Variants in GTF3C1 observed in about 807,000 individuals in gnomAD.
The protein encoded by GTF3C1 is general transcription factor 3C polypeptide 1.
Under a neutral mutation model 226.7 loss-of-function variants are expected in GTF3C1, and 57 were observed. The ratio of observed to expected loss-of-function variants is 0.25; its 90% CI spans 0.20 to 0.31. The LOEUF (loss-of-function observed/expected upper bound fraction) is 0.31. Ranked by LOEUF, GTF3C1 falls within the 10% of genes least tolerant of loss-of-function variation. The pLI is 1.00. For synonymous variants in GTF3C1, 1,090 were observed against 1,084.8 expected, an observed-to-expected ratio of 1.00 and a Z score of -0.09; for missense variants, 2,217 against 2,776.1, an observed-to-expected ratio of 0.80 and a Z score of 4.53.
chr16:27,469,066 A>G lies in GTF3C1; in HGVS notation c.5074+225T>C, dbSNP rs1220938691. Among the ~76,000 whole-genome samples the G allele has an allele frequency of 6.6e-6, 1 of 152,230 alleles. No individual in the cohort carries two copies. The highest frequency in any genetic ancestry group is 2.4e-5 in the African/African-American group (1 of 41,468). ...TGCCTGCAGCACAGCTGTGACTAAA[A>G]GAGGCGGTGCGGGGAGCTTTCCCAC... On this transcript the variant is annotated intron_variant, in intron 32 of 36. Transcript: ENST00000356183. The surrounding 1 kb of genome is among the most constrained non-coding windows in gnomAD (Gnocchi z 4.5).
rs750867671 is a variant in GTF3C1 at position 27,495,425 on chromosome 16, A to C, written c.2418T>G (p.Phe806Leu). ...GGTGCCCGTAGATGAGGTACCACAG[A>C]AACATGTGGACCACCCGCAGGCGAG... The part of the protein sequence containing the change: ...KMPRLRVVHM[F>L]LWYLIYGHPA... The change falls in exon 15 of 37, where the codon TTT (phenylalanine) becomes TTG (leucine). Residue 806 changes from phenylalanine (F) to leucine (L), a missense_variant. Around this residue, in one of 12 missense-constraint regions of GTF3C1, gnomAD observed 353 missense variants for 411.7 expected, o/e 0.86. Transcript: ENST00000356183. 2 of 1,613,858 alleles carry C rather than the reference A, an allele frequency of 1.2e-6. No homozygotes were observed. The highest frequency in any genetic ancestry group is 2.7e-5 in the African/African-American group (2 of 74,932).
chr16:27,540,347 A>G (rs1284739069), intron 2 of GTF3C1, among the ~76,000 whole-genome samples: 2 of 152,240 alleles, frequency 1.3e-5, no homozygotes, highest in African/African-American at 4.8e-5. Flanking sequence ...CTTAGGACCT[A>G]TGCTCTTTTG....
At position 27,465,315 on chromosome 16, in the gene GTF3C1, G is replaced by A. The variant is rs527797896; in HGVS notation, c.5300C>T (p.Ser1767Leu). ...CCCACCACCTGCCTTCTCCAAGGCC[G>A]AGAACCGTCTGCGCAGCTCCTCCTT... The part of the protein sequence containing the change: ...IDKEELRRRF[S>L]ALEKAGGGRT... Residue 1767 changes from serine (S) to leucine (L), a missense_variant, in exon 33 of 37, where the codon TCG becomes TTG. This residue lies in a region of GTF3C1 where 455 missense variants were observed against 441.9 expected (regional missense o/e 1.03). Coordinates refer to ENST00000356183, the MANE Select transcript of GTF3C1 (RefSeq NM_001520.4). 1.7e-5 allele frequency: 28 copies of A among 1,613,978 alleles called. No individual in the cohort carries two copies. The Admixed American group carries it at 2.5e-4, about 14-fold the overall frequency.
intron 19 of GTF3C1, among the ~76,000 whole-genome samples, chr16:27,489,949 G>A (rs549847386): frequency 1.2e-4 from 18 of 152,370 alleles, no homozygotes; most frequent in African/African-American, 4.3e-4. Context: ...GAGAGTTGGA[G>A]TGCTGGTGGG....
intron 6 of GTF3C1, among the ~76,000 whole-genome samples, chr16:27,517,337 C>T (rs1246229661): frequency 6.6e-6 from 1 of 152,184 alleles, no homozygotes; most frequent in Admixed American, 6.5e-5. Context: ...TTCCAGACTA[C>T]AAGTCAGCTA....
At chr16:27,465,842 G>C (rs554862820) in intron 32 of GTF3C1, 2 of 402,066 alleles carry the variant, frequency 5.0e-6, no homozygotes, top group Non-Finnish European at 9.3e-6. Context: ...ACTGAGGTTC[G>C]AGAACTGTAA....
chr16:27,520,056 T>A (rs1245638119), intron 6 of GTF3C1, among the ~76,000 whole-genome samples: 1 of 152,184 alleles, frequency 6.6e-6, no homozygotes, highest in African/African-American at 2.4e-5. Flanking sequence ...AAGGCTGCAG[T>A]GAGCCATGAT....
Position 27,462,502 on chromosome 16 carries a change from T to C in GTF3C1, c.5925-16A>G. ...CTCACAGTCCCTGCAGGGAGAGGGC[T>C]TGACATCAGGGCTTGGTGGGGGCAG... On this transcript the variant is annotated splice_polypyrimidine_tract_variant and intron_variant, in intron 35 of 36. Coordinates refer to ENST00000356183, the MANE Select transcript of GTF3C1 (RefSeq NM_001520.4). The surrounding 1 kb of genome is among the most constrained non-coding windows in gnomAD (Gnocchi z 4.5). 1 of 1,607,384 alleles carries C rather than the reference T, an allele frequency of 6.2e-7. No individual in the cohort carries two copies. The highest frequency in any genetic ancestry group is 8.5e-7 in the Non-Finnish European group (1 of 1,174,528).
At chr16:27,483,176 T>C (rs747944243) in intron 25 of GTF3C1, 51 bp from the exon 26 acceptor site, 4 of 1,547,164 alleles carry the variant, frequency 2.6e-6, no homozygotes, top group African/African-American at 2.7e-5. Context: ...ATGATGCCCA[T>C]GTTCAGAACC....
rs2087840870 is a variant in GTF3C1 at position 27,469,856 on chromosome 16, G to A, written c.4814+252C>T. On this transcript the variant is annotated intron_variant, in intron 31 of 36. Transcript: ENST00000356183. The surrounding 1 kb of genome is among the most constrained non-coding windows in gnomAD (Gnocchi z 4.5). ...CCCCAGTTCTGTTGCGAGGCCCTCA[G>A]GAACAGTCCTCCCTTCTCTTCCCTG... 6.6e-6 allele frequency among the ~76,000 whole-genome samples: 1 copy of A among 152,134 alleles called. No individual in the cohort carries two copies. Among genetic ancestry groups the A allele is most frequent in the African/African-American group, 2.4e-5 (1 of 41,422 alleles).
chr16:27,549,636 CCCGCCCGCCCGCCAGGCCAGG>C lies in GTF3C1; in HGVS notation c.221+13_221+33del, dbSNP rs2089245531. ...CATCAGCCCCCGGGCCCTGCGCCCG[CCCGCCCGCCCGCCAGGCCAGG>C]CCGCCCGCTGACCGGTCCTGGAGCT... On this transcript the variant is annotated intron_variant, in intron 1 of 36. Transcript: ENST00000356183. 7.0e-6 allele frequency: 6 copies of C among 852,984 alleles called. No individual in the cohort carries two copies. The highest frequency in any genetic ancestry group is 1.1e-5 in the Non-Finnish European group (6 of 535,640). 52.8% of individuals were successfully genotyped at this position (852,984 alleles called of 1,614,324 possible).
At chr16:27,515,253 T>C (rs1165927660) in intron 6 of GTF3C1, among the ~76,000 whole-genome samples, 4 of 152,102 alleles carry the variant, frequency 2.6e-5, no homozygotes, top group Non-Finnish European at 5.9e-5. Flanking sequence ...GAGACCAGCC[T>C]GGGCAACAGA....
At chr16:27,537,690 GAGCCACTGT>G in intron 4 of GTF3C1, 85 bp downstream of exon 4, 2 of 844,652 alleles carry the variant, frequency 2.4e-6, no homozygotes, top group South Asian at 3.5e-5. Flanking sequence ...TTACAGGTAT[GAGCCACTGT>G]ACCCAGCTGC....
intron 28 of GTF3C1, 121 bp downstream of exon 28, chr16:27,478,347 AT>A: frequency 1.4e-6 from 1 of 722,338 alleles, no homozygotes; most frequent in South Asian, 1.5e-5. Flanking sequence ...TGCCAGTAAA[AT>A]TTTGTTCACA....
intron 33 of GTF3C1, among the ~76,000 whole-genome samples, chr16:27,465,059 C>T (rs1203708117): frequency 2.0e-5 from 3 of 152,218 alleles, no homozygotes; most frequent in Admixed American, 6.5e-5. Flanking sequence ...CCACGTCAGC[C>T]GTGTGACCTT....
intron 2 of GTF3C1, among the ~76,000 whole-genome samples, 196 bp from the exon 3 acceptor site, chr16:27,538,552 A>C (rs1416104335): frequency 1.3e-5 from 2 of 152,320 alleles, no homozygotes; most frequent in South Asian, 4.1e-4. Flanking sequence ...TAATAAAAGT[A>C]GTGTAGTGTG....
chr16:27,463,591 C>A lies in GTF3C1; in HGVS notation c.5874G>T (p.Gly1958=), dbSNP rs750475068. The A allele has an allele frequency of 6.3e-7, 1 of 1,584,012 alleles. No homozygotes were observed. Among genetic ancestry groups the A allele is most frequent in the East Asian group, 2.2e-5 (1 of 44,800 alleles). ...QPPEGSEDPR[G]FTESFGAANI... is the part of the protein sequence containing the mutation. ...TGGCAGCTCCGAAACTCTCTGTGAA[C>A]CCTGAGGGAAGAGGAAGAGAATGTG... Residue 1958 remains glycine, a splice_region_variant and synonymous_variant, in exon 35 of 37, where the codon GGG becomes GGT. Transcript: ENST00000356183. This position sits in a 1 kb window ranked among gnomAD's most constrained non-coding sequence, Gnocchi z 4.9.
Position 27,503,750 on chromosome 16 carries a change from A to G in GTF3C1, c.1771-755T>C, listed in dbSNP as rs2088442844. ...CCCAAATGTGAACCCTATATGGAAA[A>G]GAAATCCTAACTCTAATACACATCT... On this transcript the variant is annotated intron_variant, in intron 10 of 36. Coordinates refer to ENST00000356183, the MANE Select transcript of GTF3C1 (RefSeq NM_001520.4). Among the ~76,000 whole-genome samples the G allele has an allele frequency of 2.6e-5, 4 of 152,362 alleles. 1 individual carries two copies. In the South Asian group the frequency reaches 8.3e-4, roughly 32 times the overall value.
chr16:27,533,859 A>G (rs1053539186), intron 4 of GTF3C1, among the ~76,000 whole-genome samples: 2 of 152,200 alleles, frequency 1.3e-5, no homozygotes, highest in Non-Finnish European at 2.9e-5. Context: ...TACAAAAATT[A>G]GCCAGACGTG....
Sources: gnomAD v4.1 joint callset for allele counts (sites outside exome capture counted in the v4.1 genomes callset) on GRCh38, gnomAD v4.1.1 for gene constraint, gnomAD v4.1.1 regional missense constraint, Gnocchi (gnomAD v3.1) non-coding constraint, MANE v1.5 for transcripts, NCBI Gene and HGNC (gene_info 2026-07-23, HGNC 2026-07-21) for gene names.